The following PCSK6 variants were observed in gnomAD, a reference collection of about 807,000 sequenced individuals.
PCSK6 encodes the protein proprotein convertase subtilisin/kexin type 6, also known as paired basic amino acid cleaving enzyme 4.
Under a neutral mutation model 123.3 loss-of-function variants are expected in PCSK6, and 85 were observed. The observed-to-expected ratio is 0.69, with a 90% CI of 0.58 to 0.83. The LOEUF is 0.83. Ranked by LOEUF, PCSK6 falls within the 40% of genes least tolerant of loss-of-function variation. The probability of loss-of-function intolerance (pLI) is 0.00; values close to 1 mark genes in which losing one functional copy is unlikely to be tolerated. For synonymous variants in PCSK6, 508 were observed against 516.0 expected (o/e 0.98, Z 0.21); for missense variants, 1,191 against 1,282.3 (o/e 0.93, Z 1.09).
At chr15:101,450,654 C>T (rs1346467659) in intron 1 of PCSK6, among the ~76,000 whole-genome samples, 1 of 152,180 alleles carries the variant, frequency 6.6e-6, no homozygotes, top group Admixed American at 6.5e-5. Context: ...ACACAGGTCT[C>T]CCCCCATCCC....
chr15:101,366,830 G>C (rs1355769039), intron 12 of PCSK6, among the ~76,000 whole-genome samples: 3 of 152,204 alleles, frequency 2.0e-5, no homozygotes, highest in Non-Finnish European at 4.4e-5. Flanking sequence ...GCTTGTTTGT[G>C]CAAGAATGAA....
Position 101,411,564 on chromosome 15 carries a change from G to A in PCSK6, c.824-12988C>T, listed in dbSNP as rs369508923. Among the ~76,000 whole-genome samples, 17 of 152,238 alleles carry A rather than the reference G, an allele frequency of 1.1e-4. No homozygotes were observed. In the East Asian group the frequency reaches 2.3e-3, roughly 21 times the overall value. On this transcript the variant is annotated intron_variant, in intron 6 of 21. Transcript: ENST00000611716. ...GACCAAGAAGCAGCCCATGTTTGAG[G>A]AAAACCCATCCCAAGAAAGAGGGGC...
At chr15:101,419,533 A>C (rs1001798629) in intron 6 of PCSK6, among the ~76,000 whole-genome samples, 1 of 116,010 alleles carries the variant, frequency 8.6e-6, no homozygotes, top group Non-Finnish European at 1.8e-5. Context: ...AAATCCCAAC[A>C]GGGCTTTTTT....
rs554473107 is a variant in PCSK6 at position 101,359,237 on chromosome 15, C to T, written c.1858+6959G>A. On this transcript the variant is annotated intron_variant, in intron 13 of 21. Coordinates refer to ENST00000611716, the MANE Select transcript of PCSK6 (RefSeq NM_002570.5). ...GTGATGACACTGGAGAATGTGTCCC[C>T]GCCCCCCAAATTCCAGTAGGCCCTA... Among the ~76,000 whole-genome samples the T allele has an allele frequency of 2.6e-5, 4 of 152,264 alleles. No homozygotes were observed. In the South Asian group the frequency reaches 8.3e-4, roughly 32 times the overall value.
rs2057491975 is a variant in PCSK6 at position 101,467,465 on chromosome 15, G to T, written c.297+21909C>A. Among the ~76,000 whole-genome samples the T allele has an allele frequency of 3.3e-5, 5 of 151,862 alleles. No homozygotes were observed. The South Asian group carries it at 1.0e-3, about 32-fold the overall frequency. On this transcript the variant is annotated intron_variant, in intron 1 of 21. Transcript: ENST00000611716. Reference sequence around the variant, plus strand: ...TTTTTGTATTTTTAGTAGAGACAGGGTTTCACCATGTTGGCCAGGCTGGTC... The same window carrying T: ...TTTTTGTATTTTTAGTAGAGACAGGTTTTCACCATGTTGGCCAGGCTGGTC...
chr15:101,367,372 A>T (rs538481267), intron 12 of PCSK6, among the ~76,000 whole-genome samples: 1 of 152,312 alleles, frequency 6.6e-6, no homozygotes, highest in East Asian at 1.9e-4. Context: ...TTTATTGTTC[A>T]TCAGAAATTG....
intron 13 of PCSK6, among the ~76,000 whole-genome samples, chr15:101,356,505 C>CAAAAA (rs34350017): frequency 1.2e-4 from 10 of 86,240 alleles, no homozygotes; most frequent in Admixed American, 3.9e-4. Flanking sequence ...ACTAAAACTA[C>CAAAAA]AAAAAAAAAA....
At chr15:101,333,844 T>A (rs1183380677) in intron 13 of PCSK6, among the ~76,000 whole-genome samples, 1 of 152,164 alleles carries the variant, frequency 6.6e-6, no homozygotes, top group Non-Finnish European at 1.5e-5. Flanking sequence ...ACTGGTGCGA[T>A]TCGAAATGGC....
intron 2 of PCSK6, among the ~76,000 whole-genome samples, chr15:101,443,342 T>C (rs753848000): frequency 1.1e-4 from 17 of 152,212 alleles, no homozygotes; most frequent in Non-Finnish European, 2.2e-4. Context: ...CCTGTGAGTA[T>C]TGTGTTTTGT....
chr15:101,327,990 G>A (rs1280873117), intron 15 of PCSK6, among the ~76,000 whole-genome samples: 1 of 152,198 alleles, frequency 6.6e-6, no homozygotes, highest in Non-Finnish European at 1.5e-5. Flanking sequence ...GCTCCAGAGG[G>A]TTTACTATAA....
At chr15:101,393,634 T>C (rs533723637) in intron 7 of PCSK6, among the ~76,000 whole-genome samples, 2 of 152,278 alleles carry the variant, frequency 1.3e-5, no homozygotes, top group South Asian at 4.1e-4. Context: ...AGCCTTAAAA[T>C]TGCAGAATCA....
At chr15:101,485,253 T>A (rs1379667031) in intron 1 of PCSK6, among the ~76,000 whole-genome samples, 1 of 152,238 alleles carries the variant, frequency 6.6e-6, no homozygotes, top group African/African-American at 2.4e-5. Flanking sequence ...CATTGACTTC[T>A]CCATTCATAA....
At position 101,394,871 on chromosome 15, in the gene PCSK6, G is replaced by T. The variant is rs569385740; in HGVS notation, c.997-1447C>A. Among the ~76,000 whole-genome samples, 9 of 152,336 alleles carry T rather than the reference G, an allele frequency of 5.9e-5. No homozygotes were observed. In the South Asian group the frequency reaches 8.3e-4, roughly 14 times the overall value. Reference sequence around the variant, plus strand: ...CGCAGCCCCGCTGCTTAAGGCTGCCGCGTCCACTCTGCTTTCTGCATCTGC... The same window carrying T: ...CGCAGCCCCGCTGCTTAAGGCTGCCTCGTCCACTCTGCTTTCTGCATCTGC... On this transcript the variant is annotated intron_variant, in intron 7 of 21. Transcript: ENST00000611716.
intron 12 of PCSK6, among the ~76,000 whole-genome samples, chr15:101,368,080 T>G (rs1183120547): frequency 2.0e-5 from 3 of 152,246 alleles, no homozygotes; most frequent in Non-Finnish European, 4.4e-5. Context: ...CCCCTCAAAG[T>G]GCTGGGACTA....
Position 101,324,891 on chromosome 15 carries a change from G to C in PCSK6, c.2336C>G (p.Thr779Ser). ...TCCTGCAGGACAGAGGGTCACACAG[G>C]TGTTCATCTCCTGGTGGTGATAGAA... Reference protein sequence around the residue: ...RGFYHHQEMNTCVTLCPAGFY... With the variant: ...RGFYHHQEMNSCVTLCPAGFY... The change falls in exon 17 of 22, where the codon ACC becomes AGC. Residue 779 changes from threonine to serine, a missense_variant. Thr to Ser is a moderately conservative substitution (Grantham distance 58). Transcript: ENST00000611716. 2 of 1,613,608 alleles carry C rather than the reference G, an allele frequency of 1.2e-6. No individual in the cohort carries two copies.
intron 1 of PCSK6, among the ~76,000 whole-genome samples, chr15:101,448,964 T>C (rs1473985848): frequency 1.3e-5 from 2 of 152,208 alleles, no homozygotes; most frequent in South Asian, 2.1e-4. Context: ...TGTGGATGTA[T>C]AGAATGTGTG....
intron 6 of PCSK6, among the ~76,000 whole-genome samples, chr15:101,414,753 CAGAT>C (rs1245730842): frequency 6.6e-6 from 1 of 150,518 alleles, no homozygotes; most frequent in African/African-American, 2.5e-5. Flanking sequence ...GATGGACGGA[CAGAT>C]GGATGGATGG....
intron 13 of PCSK6, among the ~76,000 whole-genome samples, chr15:101,332,736 T>C (rs2040397344): frequency 6.6e-6 from 1 of 152,172 alleles, no homozygotes; most frequent in Non-Finnish European, 1.5e-5. Context: ...GGAAAGACAG[T>C]GCTGATGGGA....
In PCSK6 at chr15:101,364,956, A is replaced by G. The variant is rs1287878805; in HGVS notation, c.1858+1240T>C. ...CAATATGGTACTGACTCCAAGATAGATATACAGACCAATGGAACAGAATCG... is the reference window on the plus strand; with the variant it reads ...CAATATGGTACTGACTCCAAGATAGGTATACAGACCAATGGAACAGAATCG... On this transcript the variant is annotated intron_variant, in intron 13 of 21. Transcript: ENST00000611716. The G allele has an allele frequency of 3.9e-6, 3 of 775,958 alleles. No homozygotes were observed. The Admixed American group carries it at 5.1e-5, about 13-fold the overall frequency. The allele number at this position is 775,958 out of a possible 1,614,324, so 48.1% of individuals were successfully genotyped here.
Sources: gnomAD v4.1 joint callset for allele counts (sites outside exome capture counted in the v4.1 genomes callset) on GRCh38, gnomAD v4.1.1 for gene constraint, MANE v1.5 for transcripts, NCBI Gene and HGNC (gene_info 2026-07-23, HGNC 2026-07-21) for gene names.